SLC38A6: variants seen among roughly 807,000 people sequenced by gnomAD.
SLC38A6 encodes the protein solute carrier family 38 member 6, also known as N system amino acid transporter NAT-1.
SLC38A6 carries 73 observed loss-of-function variants against 65.0 expected under a neutral mutation model. The ratio of observed to expected loss-of-function variants is 1.12; its 90% confidence interval spans 0.93 to 1.37. SLC38A6 has a LOEUF of 1.37. Ranked by LOEUF, SLC38A6 falls within the 40% of genes most tolerant of loss-of-function variation. The pLI is 0.00. For missense variants in SLC38A6, 561 were observed against 531.1 expected, an observed-to-expected ratio of 1.06 and a Z score of -0.55; for synonymous variants, 183 against 178.8, an observed-to-expected ratio of 1.02 and a Z score of -0.19.
chr14:61,042,397 G>C (rs1210891933), intron 8 of SLC38A6, among the ~76,000 whole-genome samples: 2 of 152,186 alleles, frequency 1.3e-5, no homozygotes, highest in Non-Finnish European at 2.9e-5. Context: ...CATTTACAGA[G>C]TAATTATGTG....
intron 5 of SLC38A6, among the ~76,000 whole-genome samples, chr14:61,025,256 A>T (rs1414097983): frequency 1.3e-5 from 2 of 152,214 alleles, no homozygotes; most frequent in Non-Finnish European, 2.9e-5. Flanking sequence ...AAAATTCACA[A>T]TATTAGATGC....
intron 3 of SLC38A6, among the ~76,000 whole-genome samples, chr14:60,985,784 T>G (rs2037409020): frequency 6.6e-6 from 1 of 152,186 alleles, no homozygotes; most frequent in Non-Finnish European, 1.5e-5. Flanking sequence ...GCCCTTCTTA[T>G]GAGGGGCTTT....
Position 60,982,656 on chromosome 14 carries a change from A to T in SLC38A6, c.236+18A>T. 6.3e-7 allele frequency: 1 copy of T among 1,590,512 alleles called. No homozygotes were observed. Among genetic ancestry groups the T allele is most frequent in the African/African-American group, 1.4e-5 (1 of 73,350 alleles). On this transcript the variant is annotated intron_variant, in intron 2 of 15. Coordinates refer to ENST00000267488, the MANE Select transcript of SLC38A6 (RefSeq NM_153811.3). ...GGATTTAGGTGAGTCTTCATATTTT[A>T]GCATCAAATTTTTTTTTCCATTTTG...
intron 15 of SLC38A6, among the ~76,000 whole-genome samples, chr14:61,070,534 T>C (rs1337545239): frequency 6.6e-6 from 1 of 152,232 alleles, no homozygotes; most frequent in Non-Finnish European, 1.5e-5. Flanking sequence ...TGCAAATATC[T>C]CTTCCAAGAT....
intron 15 of SLC38A6, among the ~76,000 whole-genome samples, chr14:61,069,399 C>T (rs2043145858): frequency 6.6e-6 from 1 of 152,080 alleles, no homozygotes. Flanking sequence ...CCCCATTAAT[C>T]CCAGATTCCC....
intron 9 of SLC38A6, 101 bp downstream of exon 9, chr14:61,043,313 T>C: frequency 9.7e-7 from 1 of 1,027,656 alleles, no homozygotes; most frequent in Non-Finnish European, 1.4e-6. Flanking sequence ...AAGTAATGGC[T>C]ATATTGCATT....
rs549954176 is a variant in SLC38A6 at position 61,051,445 on chromosome 14, G to A, written c.1051-342G>A. ...ATGATTTCTTTTTCTATTATAAATT[G>A]TCTGTTTTTTTAATCTGTTGCATTT... On this transcript the variant is annotated intron_variant, in intron 13 of 15. Transcript: ENST00000267488. Among the ~76,000 whole-genome samples the A allele has an allele frequency of 6.6e-5, 10 of 152,106 alleles. No individual in the cohort carries two copies. The South Asian group carries it at 2.1e-3, about 32-fold the overall frequency.
chr14:61,048,758 G>A lies in SLC38A6; in HGVS notation c.926-1754G>A, dbSNP rs1415127894. ...ACTTGCTCTGATTACAGCTGTGAAA[G>A]GAAGAGAAAAGGGTTCCTCTGGTGA... On this transcript the variant is annotated intron_variant, in intron 12 of 15. Coordinates refer to ENST00000267488, the MANE Select transcript of SLC38A6 (RefSeq NM_153811.3). Among the ~76,000 whole-genome samples the A allele has an allele frequency of 2.6e-5, 4 of 152,142 alleles. No individual in the cohort carries two copies. In the East Asian group the frequency reaches 7.7e-4, roughly 29 times the overall value.
At chr14:61,043,722 T>C (rs11626927) in intron 10 of SLC38A6, among the ~76,000 whole-genome samples, 1 of 148,228 alleles carries the variant, frequency 6.7e-6, no homozygotes, top group Non-Finnish European at 1.5e-5. Context: ...TTTTTCCTGG[T>C]ATGCCTTTGA....
intron 12 of SLC38A6, chr14:61,048,133 A>G (rs1407062821): frequency 4.4e-6 from 2 of 454,368 alleles, no homozygotes; most frequent in Non-Finnish European, 8.8e-6. Context: ...AAAACCTTTG[A>G]TCATATCTTT....
intron 14 of SLC38A6, 22 bp downstream of exon 14, chr14:61,051,953 G>A (rs201009589): frequency 6.2e-7 from 1 of 1,604,366 alleles, no homozygotes; most frequent in Non-Finnish European, 8.5e-7. Context: ...GTTTCAAAAA[G>A]TTCACATAAT....
intron 15 of SLC38A6, among the ~76,000 whole-genome samples, chr14:61,071,466 G>A (rs868659713): frequency 6.6e-6 from 1 of 151,926 alleles, no homozygotes; most frequent in Non-Finnish European, 1.5e-5. Flanking sequence ...TGGATCACTC[G>A]AGCCCAGAAA....
intron 3 of SLC38A6, among the ~76,000 whole-genome samples, chr14:61,012,012 C>T (rs1306007305): frequency 6.6e-6 from 1 of 152,146 alleles, no homozygotes; most frequent in African/African-American, 2.4e-5. Context: ...GCATCTGGTC[C>T]TGGACTTTTT....
At chr14:61,018,593 T>C (rs1048461231) in intron 4 of SLC38A6, among the ~76,000 whole-genome samples, 16 of 152,222 alleles carry the variant, frequency 1.1e-4, no homozygotes, top group African/African-American at 2.9e-4. Flanking sequence ...CAGGCATACG[T>C]TGGGGTTCCG....
chr14:60,996,927 A>T (rs1009564056), intron 3 of SLC38A6, among the ~76,000 whole-genome samples: 1 of 152,220 alleles, frequency 6.6e-6, no homozygotes, highest in Admixed American at 6.5e-5. Flanking sequence ...TTGAACAATG[A>T]CATTTTCATA....
At chr14:61,001,184 T>C (rs2038684187) in intron 3 of SLC38A6, among the ~76,000 whole-genome samples, 1 of 152,026 alleles carries the variant, frequency 6.6e-6, no homozygotes, top group South Asian at 2.1e-4. Context: ...GAGGGCAGGG[T>C]GAGGCAAGGG....
At chr14:60,985,796 C>T (rs995275472) in intron 3 of SLC38A6, among the ~76,000 whole-genome samples, 1 of 152,110 alleles carries the variant, frequency 6.6e-6, no homozygotes, top group African/African-American at 2.4e-5. Flanking sequence ...AGGGGCTTTT[C>T]TGCTCCATCT....
At chr14:61,010,744 A>C (rs6573351) in intron 3 of SLC38A6, among the ~76,000 whole-genome samples, 141,925 of 152,228 alleles carry the variant, frequency 0.93, 66,541 homozygotes, top group Non-Finnish European at 0.99. Context: ...TGGTATATAT[A>C]TCTGTTTTGG....
chr14:61,013,713 C>T (rs1031456259), intron 3 of SLC38A6, among the ~76,000 whole-genome samples: 1 of 152,154 alleles, frequency 6.6e-6, no homozygotes, highest in African/African-American at 2.4e-5. Flanking sequence ...AATATTGGCC[C>T]CCAATGTCTT....
Sources: gnomAD v4.1 joint callset for allele counts (sites outside exome capture counted in the v4.1 genomes callset) on GRCh38, gnomAD v4.1.1 for gene constraint, MANE v1.5 for transcripts, NCBI Gene and HGNC (gene_info 2026-07-23, HGNC 2026-07-21) for gene names.